The following NCOA2 variants were observed in gnomAD, a reference collection of about 807,000 sequenced individuals.
The protein encoded by NCOA2 is class E basic helix-loop-helix protein 75.
A neutral mutation model predicts 145.1 loss-of-function variants in NCOA2; 21 were observed. The observed-to-expected ratio is 0.14, with a 90% CI of 0.10 to 0.21. The LOEUF (loss-of-function observed/expected upper bound fraction) is 0.21, where lower values mean the gene tolerates loss of function less well. Ranked by LOEUF, NCOA2 falls within the 10% of genes least tolerant of loss-of-function variation. NCOA2 has a pLI of 1.00. For synonymous variants in NCOA2, 619 were observed against 637.5 expected, an observed-to-expected ratio of 0.97 and a Z score of 0.44; for missense variants, 1,472 against 1,837.6, an observed-to-expected ratio of 0.80 and a Z score of 3.64.
intron 1 of NCOA2, among the ~76,000 whole-genome samples, chr8:70,304,267 T>C (rs1827713708): frequency 6.6e-6 from 1 of 152,218 alleles, no homozygotes. Flanking sequence ...CATGTTTATA[T>C]ACACAAATAT....
At chr8:70,245,618 C>G (rs758943069) in intron 2 of NCOA2, among the ~76,000 whole-genome samples, 5 of 152,024 alleles carry the variant, frequency 3.3e-5, no homozygotes, top group Non-Finnish European at 7.4e-5. Flanking sequence ...TACACATGCA[C>G]TCACATACGC....
intron 4 of NCOA2, among the ~76,000 whole-genome samples, chr8:70,186,061 A>G (rs774445940): frequency 6.6e-6 from 1 of 152,088 alleles, no homozygotes; most frequent in Non-Finnish European, 1.5e-5. Flanking sequence ...ATAAACCTAA[A>G]TACATACACA....
intron 2 of NCOA2, among the ~76,000 whole-genome samples, chr8:70,248,385 T>G (rs953616824): frequency 1.3e-5 from 2 of 152,180 alleles, no homozygotes; most frequent in Non-Finnish European, 2.9e-5. Flanking sequence ...ACTCCACATC[T>G]CCTCATCCCT....
intron 22 of NCOA2, among the ~76,000 whole-genome samples, chr8:70,115,824 T>A (rs2087446847): frequency 6.6e-6 from 1 of 152,164 alleles, no homozygotes; most frequent in Non-Finnish European, 1.5e-5. Flanking sequence ...CGGTTGTACA[T>A]ACTAGCTCTG....
At chr8:70,210,196 C>T (rs777204849) in intron 4 of NCOA2, among the ~76,000 whole-genome samples, 31 of 152,178 alleles carry the variant, frequency 2.0e-4, no homozygotes, top group Non-Finnish European at 2.8e-4. Flanking sequence ...GAAAACAATA[C>T]GCCTATTCCA....
chr8:70,251,803 G>A (rs1823203558), intron 2 of NCOA2, among the ~76,000 whole-genome samples: 2 of 152,206 alleles, frequency 1.3e-5, no homozygotes, highest in Admixed American at 6.5e-5. Flanking sequence ...AAGAATGTGA[G>A]AGCCATCTAG....
Position 70,141,416 on chromosome 8 carries a change from G to T in NCOA2, c.2813-17C>A, listed in dbSNP as rs773935392. 11 of 1,606,436 alleles carry T rather than the reference G, an allele frequency of 6.8e-6. No homozygotes were observed. The South Asian group carries it at 7.7e-5, about 11-fold the overall frequency. ...CAATCATTCCTGCATGCAAGCCAAA[G>T]AAAACTGAGAGATGCAGTAACTGAA... On this transcript the variant is annotated splice_polypyrimidine_tract_variant and intron_variant, in intron 13 of 22. Transcript: ENST00000452400.
At chr8:70,235,795 G>C (rs1247012496) in intron 2 of NCOA2, among the ~76,000 whole-genome samples, 1 of 152,162 alleles carries the variant, frequency 6.6e-6, no homozygotes, top group African/African-American at 2.4e-5. Flanking sequence ...AGTGAACTAT[G>C]ATCGCACCAC....
chr8:70,206,837 T>C (rs1019035678), intron 4 of NCOA2, among the ~76,000 whole-genome samples: 2 of 152,234 alleles, frequency 1.3e-5, no homozygotes, highest in Non-Finnish European at 2.9e-5. Flanking sequence ...GGAGTGCCTC[T>C]CCTCACGCCC....
At chr8:70,131,371 T>G (rs1225097264) in intron 16 of NCOA2, among the ~76,000 whole-genome samples, 1 of 152,214 alleles carries the variant, frequency 6.6e-6, no homozygotes, top group African/African-American at 2.4e-5. Context: ...TAAAATGACT[T>G]CTGCTAACTT....
intron 2 of NCOA2, among the ~76,000 whole-genome samples, chr8:70,261,559 T>G (rs991115131): frequency 4.6e-5 from 7 of 152,032 alleles, no homozygotes; most frequent in African/African-American, 1.7e-4. Flanking sequence ...ACCTGCACAT[T>G]GCGCACATGT....
At chr8:70,266,494 A>G (rs188988465) in intron 2 of NCOA2, among the ~76,000 whole-genome samples, 9 of 152,224 alleles carry the variant, frequency 5.9e-5, no homozygotes, top group African/African-American at 2.2e-4. Context: ...TTCTAACTGT[A>G]CCTTCCATTA....
At chr8:70,345,625 C>T (rs1306327567) in intron 1 of NCOA2, among the ~76,000 whole-genome samples, 3 of 152,170 alleles carry the variant, frequency 2.0e-5, no homozygotes, top group Non-Finnish European at 2.9e-5. Context: ...TTCTCATCAA[C>T]TTATTGTGCT....
At chr8:70,410,459 C>T in the NCOA2 span, among the ~76,000 whole-genome samples, 3 of 152,064 alleles carry the variant, frequency 2.0e-5, no homozygotes, top group African/African-American at 7.2e-5. Flanking sequence ...GCCTCCCAAG[C>T]AGCTGGGACT....
At chr8:70,199,312 G>A (rs916121188) in intron 4 of NCOA2, among the ~76,000 whole-genome samples, 2 of 151,940 alleles carry the variant, frequency 1.3e-5, no homozygotes, top group African/African-American at 2.4e-5. Context: ...TTACCTGGGT[G>A]TGGTGGTGGG....
chr8:70,284,712 G>T (rs757480442), intron 2 of NCOA2, among the ~76,000 whole-genome samples: 15 of 152,068 alleles, frequency 9.9e-5, no homozygotes, highest in Non-Finnish European at 2.1e-4. Context: ...GTGTACGGAA[G>T]AGAGTGTGTA....
intron 4 of NCOA2, among the ~76,000 whole-genome samples, chr8:70,176,488 C>A (rs925813393): frequency 2.0e-5 from 3 of 152,182 alleles, no homozygotes; most frequent in Non-Finnish European, 4.4e-5. Flanking sequence ...CATTCCAATT[C>A]CTCAGCCGGT....
intron 4 of NCOA2, among the ~76,000 whole-genome samples, chr8:70,208,718 T>C (rs1818721426): frequency 6.6e-6 from 1 of 152,236 alleles, no homozygotes; most frequent in Admixed American, 6.5e-5. Flanking sequence ...TAACAAAGAC[T>C]GAATGTCAGC....
intron 2 of NCOA2, among the ~76,000 whole-genome samples, chr8:70,253,513 G>A (rs1823376845): frequency 6.6e-6 from 1 of 152,046 alleles, no homozygotes; most frequent in Non-Finnish European, 1.5e-5. Context: ...CAATATCACT[G>A]AGAAATGATG....
Sources: allele counts gnomAD v4.1 joint callset (sites outside exome capture counted in the v4.1 genomes callset), GRCh38; gene constraint gnomAD v4.1.1; transcripts MANE v1.5; gene names NCBI Gene and HGNC (gene_info 2026-07-23, HGNC 2026-07-21).